Variants in UBXN4 observed in about 807,000 individuals in gnomAD.
UBXN4 encodes the protein UBX domain-containing protein 4.
In UBXN4, 35 loss-of-function variants were observed where a neutral mutation model predicts 66.2. The ratio of observed to expected loss-of-function variants is 0.53; its 90% confidence interval spans 0.40 to 0.70. The LOEUF (loss-of-function observed/expected upper bound fraction) is 0.70, where lower values mean the gene tolerates loss of function less well. Among genes scored for constraint, UBXN4 ranks in the 30% least tolerant of loss-of-function variants. The probability of loss-of-function intolerance (pLI) is 0.00; values close to 1 mark genes in which losing one functional copy is unlikely to be tolerated. For synonymous variants in UBXN4, 203 were observed against 204.5 expected (o/e 0.99, Z 0.06); for missense variants, 533 against 599.8 (o/e 0.89, Z 1.16).
chr2:135,781,472 A>T lies in UBXN4; in HGVS notation c.1388+1087A>T, dbSNP rs138305236. Among the ~76,000 whole-genome samples the T allele has an allele frequency of 2.2e-4, 34 of 152,352 alleles. No homozygotes were observed. The East Asian group carries it at 6.0e-3, about 27-fold the overall frequency. On this transcript the variant is annotated intron_variant, in intron 12 of 12. Coordinates refer to ENST00000272638, the MANE Select transcript of UBXN4 (RefSeq NM_014607.4). The stretch of plus-strand genomic sequence containing the variant: ...TTTATAGGCATTATAACAAATCTTC[A>T]TGCCAGTCCTATGTGATAAGTAATA...
In UBXN4 at chr2:135,782,905, G is replaced by A. The variant is rs377720171; in HGVS notation, c.*18G>A. On this transcript the variant is annotated 3_prime_UTR_variant, in exon 13 of 13. Transcript: ENST00000272638. Reference sequence around the variant, plus strand: ...AGATGTAGTGTGACAAGTATAATATGTGCAATAATCATTGTTTCTCTTATG... The same window carrying A: ...AGATGTAGTGTGACAAGTATAATATATGCAATAATCATTGTTTCTCTTATG... The A allele has an allele frequency of 3.1e-6, 5 of 1,592,162 alleles. No homozygotes were observed. The African/African-American group carries it at 5.4e-5, about 17-fold the overall frequency.
intron 11 of UBXN4, 90 bp from the exon 12 acceptor site, chr2:135,780,093 C>G: frequency 7.6e-7 from 1 of 1,314,180 alleles, no homozygotes; most frequent in Non-Finnish European, 1.1e-6. Flanking sequence ...GTAGGACCTC[C>G]TTTTCCAGAT....
intron 3 of UBXN4, chr2:135,753,950 G>C (rs1303620466): frequency 2.0e-6 from 1 of 500,532 alleles, no homozygotes. Flanking sequence ...GAATGTAGTA[G>C]ATTCTTCACT....
intron 6 of UBXN4, among the ~76,000 whole-genome samples, chr2:135,764,975 G>A (rs1193753827): frequency 6.6e-6 from 1 of 151,682 alleles, no homozygotes; most frequent in Non-Finnish European, 1.5e-5. Context: ...CACCATGACT[G>A]GCTAATTTTT....
chr2:135,776,237 C>G lies in UBXN4; in HGVS notation c.951-12C>G. The G allele has an allele frequency of 1.2e-6, 2 of 1,607,208 alleles. No individual in the cohort carries two copies. Among genetic ancestry groups the G allele is most frequent in the African/African-American group, 1.3e-5 (1 of 74,714 alleles). ...AGGTGAAGATTGTGACTTTAATTTTCTTTTTTCATAGCACTGTTGCAAGAA... is the reference window on the plus strand; with the variant it reads ...AGGTGAAGATTGTGACTTTAATTTTGTTTTTTCATAGCACTGTTGCAAGAA... On this transcript the variant is annotated splice_polypyrimidine_tract_variant and intron_variant, in intron 9 of 12. Coordinates refer to ENST00000272638, the MANE Select transcript of UBXN4 (RefSeq NM_014607.4).
At chr2:135,760,712 TTGAGC>T (rs1441430195) in intron 5 of UBXN4, among the ~76,000 whole-genome samples, 1 of 152,222 alleles carries the variant, frequency 6.6e-6, no homozygotes, top group Non-Finnish European at 1.5e-5. Context: ...TAATTTCCTA[TTGAGC>T]CTCTACTGGC....
At chr2:135,753,428 G>C in intron 2 of UBXN4, 111 bp from the exon 3 acceptor site, 1 of 792,874 alleles carries the variant, frequency 1.3e-6, no homozygotes, top group Non-Finnish European at 1.9e-6. Context: ...GAAAGAAACT[G>C]GTAGTTGCAG....
chr2:135,748,290 A>T lies in UBXN4; in HGVS notation c.106A>T (p.Met36Leu), dbSNP rs1453962467. ...VAGDDEQSTQ[M>L]AASWEDDKVT... is the part of the protein sequence containing the mutation. ...AGGTGATGATGAACAGTCTACACAG[A>T]TGGCTGCAAGTTGGGAAGATGATAA... Residue 36 changes from methionine (M) to leucine (L), a missense_variant, in exon 2 of 13, where the codon ATG becomes TTG. This residue lies in a region of UBXN4 where 529 missense variants were observed against 580.1 expected (regional missense o/e 0.91). Transcript: ENST00000272638. The T allele has an allele frequency of 1.2e-6, 2 of 1,606,918 alleles. No homozygotes were observed. Among genetic ancestry groups the T allele is most frequent in the Admixed American group, 3.4e-5 (2 of 59,412 alleles).
chr2:135,755,776 T>C (rs915357299), intron 5 of UBXN4, 85 bp downstream of exon 5: 9 of 875,078 alleles, frequency 1.0e-5, no homozygotes, highest in Non-Finnish European at 8.7e-6. Flanking sequence ...TAAAAATATA[T>C]TGTATGTATT....
At position 135,754,972 on chromosome 2, in the gene UBXN4, C is replaced by T. The variant is rs190266039; in HGVS notation, c.334-545C>T. On this transcript the variant is annotated intron_variant, in intron 4 of 12. Transcript: ENST00000272638. Reference sequence around the variant, plus strand: ...CTAATTTTTGCATTTTTAGTAGAGACGGAATTTTGCCATGTTGGCCAGGCT... The same window carrying T: ...CTAATTTTTGCATTTTTAGTAGAGATGGAATTTTGCCATGTTGGCCAGGCT... Among the ~76,000 whole-genome samples the T allele has an allele frequency of 6.4e-4, 97 of 151,872 alleles. 2 individuals carry two copies. Among genetic ancestry groups the T allele is most frequent in the African/African-American group, 2.1e-3 (89 of 41,418 alleles).
In UBXN4 at chr2:135,745,647, AG is replaced by A. The variant is rs1477520555; in HGVS notation, c.83-2617del. 4.6e-5 allele frequency among the ~76,000 whole-genome samples: 7 copies of A among 152,290 alleles called. No homozygotes were observed. In the East Asian group the frequency reaches 1.2e-3, roughly 25 times the overall value. ...TCATTCTTCACAGCCTTCTCTGAGAAGGGTTCGTAGTAAGAATATTCTCATA... is the reference window on the plus strand; with the variant it reads ...TCATTCTTCACAGCCTTCTCTGAGAAGGTTCGTAGTAAGAATATTCTCATA... On this transcript the variant is annotated intron_variant, in intron 1 of 12. Coordinates refer to ENST00000272638, the MANE Select transcript of UBXN4 (RefSeq NM_014607.4).
intron 7 of UBXN4, 63 bp downstream of exon 7, chr2:135,769,886 C>A: frequency 6.4e-6 from 6 of 937,268 alleles, no homozygotes; most frequent in South Asian, 1.6e-5. Context: ...ATTGATTATT[C>A]TATTCAGTGT....
intron 8 of UBXN4, 33 bp downstream of exon 8, chr2:135,770,768 T>C (rs765426683): frequency 6.9e-7 from 1 of 1,448,516 alleles, no homozygotes. Flanking sequence ...TTCGTGAAAC[T>C]GTTTTTCTGT....
At chr2:135,777,739 C>T (rs1198389798) in intron 10 of UBXN4, among the ~76,000 whole-genome samples, 1 of 151,268 alleles carries the variant, frequency 6.6e-6, no homozygotes, top group Non-Finnish European at 1.5e-5. Context: ...AAAAATTAGC[C>T]GGGCGTGGTG....
intron 3 of UBXN4, 31 bp from the exon 4 acceptor site, chr2:135,754,128 A>G (rs757095864): frequency 6.7e-6 from 10 of 1,497,540 alleles, no homozygotes; most frequent in African/African-American, 1.4e-5. Flanking sequence ...TTCGTTTCAC[A>G]TGAATTGTTA....
intron 12 of UBXN4, among the ~76,000 whole-genome samples, chr2:135,782,170 A>G (rs2077454719): frequency 6.6e-6 from 1 of 152,252 alleles, no homozygotes; most frequent in Admixed American, 6.5e-5. Flanking sequence ...GAGAGGGTGA[A>G]GCTTTGTGTT....
At chr2:135,771,490 GAAAGAAA>G (rs999786473) in intron 8 of UBXN4, among the ~76,000 whole-genome samples, 10 of 151,826 alleles carry the variant, frequency 6.6e-5, no homozygotes, top group African/African-American at 2.2e-4. Context: ...AAAAAAGAAA[GAAAGAAA>G]AAAAGCCATC....
intron 5 of UBXN4, 87 bp downstream of exon 5, chr2:135,755,778 G>C: frequency 2.4e-6 from 2 of 849,120 alleles, no homozygotes; most frequent in Non-Finnish European, 3.0e-6. Context: ...AAAATATATT[G>C]TATGTATTTT....
intron 6 of UBXN4, among the ~76,000 whole-genome samples, chr2:135,765,980 C>A (rs971906874): frequency 1.2e-4 from 18 of 152,088 alleles, no homozygotes; most frequent in Admixed American, 5.9e-4. Context: ...TGGTGAAACC[C>A]TGTCTCTACT....
Sources: allele counts gnomAD v4.1 joint callset (sites outside exome capture counted in the v4.1 genomes callset), GRCh38; gene constraint gnomAD v4.1.1; regional missense constraint gnomAD v4.1.1; transcripts MANE v1.5; gene names NCBI Gene and HGNC (gene_info 2026-07-23, HGNC 2026-07-21).